Variants in MYO18B observed in about 807,000 individuals in gnomAD.
MYO18B encodes unconventional myosin-XVIIIb.
A neutral mutation model predicts 273.0 loss-of-function variants in MYO18B; 204 were observed. The ratio of observed to expected loss-of-function variants is 0.75; its 90% CI spans 0.67 to 0.84. MYO18B has a LOEUF of 0.84. Ranked by LOEUF, MYO18B falls within the 40% of genes least tolerant of loss-of-function variation. The pLI is 0.00. For missense variants in MYO18B, 3,212 were observed against 3,287.6 expected (o/e 0.98, Z 0.56); for synonymous variants, 1,330 against 1,305.7 (o/e 1.02, Z -0.40).
Position 25,768,394 on chromosome 22 carries a change from C to T in MYO18B, c.478C>T (p.Leu160=). ...TGATGTGTTGTTGATGGTGGCCAAG[C>T]TGGACCCGGACTCAGCCAAGCCAGA... ...RGDVLLMVAK[L]DPDSAKPEKT... The change falls in exon 4 of 44, where the codon CTG becomes TTG. Residue 160 remains leucine, a synonymous_variant. Transcript: ENST00000335473. The T allele has an allele frequency of 6.2e-7, 1 of 1,613,876 alleles. No individual in the cohort carries two copies. Among genetic ancestry groups the T allele is most frequent in the Non-Finnish European group, 8.5e-7 (1 of 1,179,854 alleles).
intron 39 of MYO18B, among the ~76,000 whole-genome samples, chr22:25,958,119 T>A (rs2092875801): frequency 6.6e-6 from 1 of 152,112 alleles, no homozygotes; most frequent in Non-Finnish European, 1.5e-5. Flanking sequence ...TTCACCATGT[T>A]GGCCAAGCTA....
Position 25,781,844 on chromosome 22 carries a change from T to C in MYO18B, c.2312+10T>C. 6.5e-7 allele frequency: 1 copy of C among 1,535,016 alleles called. No individual in the cohort carries two copies. The highest frequency in any genetic ancestry group is 8.7e-7 in the Non-Finnish European group (1 of 1,143,706). On this transcript the variant is annotated intron_variant, in intron 10 of 43. Coordinates refer to ENST00000335473, the MANE Select transcript of MYO18B (RefSeq NM_032608.7). ...TGGACTTGGATCTCAGGTGAGCACTTGGGGCAGGAAGAGACAGCTGAGGGC... is the reference window on the plus strand; with the variant it reads ...TGGACTTGGATCTCAGGTGAGCACTCGGGGCAGGAAGAGACAGCTGAGGGC...
chr22:25,910,993 G>A lies in MYO18B; in HGVS notation c.5307G>A (p.Gln1769=). 1 of 1,605,700 alleles carries A rather than the reference G, an allele frequency of 6.2e-7. No homozygotes were observed. Among genetic ancestry groups the A allele is most frequent in the Non-Finnish European group, 8.5e-7 (1 of 1,176,250 alleles). The stretch of plus-strand genomic sequence containing the variant: ...TGGAGCAAGAGTATGAAGAGAAGCA[G>A]ATGGTCCTCCATGAGAAGCAAGATT... ...MQLEQEYEEK[Q]MVLHEKQDLE... Residue 1769 remains glutamine (Q), a synonymous_variant, in exon 33 of 44, where the codon CAG becomes CAA. Transcript: ENST00000335473.
At chr22:25,920,516 C>T (rs1327968087) in intron 33 of MYO18B, among the ~76,000 whole-genome samples, 1 of 152,160 alleles carries the variant, frequency 6.6e-6, no homozygotes, top group Admixed American at 6.5e-5. Context: ...TTTGGGACTC[C>T]CTTGACAGCT....
intron 39 of MYO18B, among the ~76,000 whole-genome samples, chr22:25,971,410 A>G (rs1049078370): frequency 2.6e-5 from 4 of 152,214 alleles, no homozygotes; most frequent in African/African-American, 9.6e-5. Flanking sequence ...TGTTTTGCAC[A>G]TGTTAAGTGG....
At chr22:25,837,641 A>G (rs1399325131) in intron 17 of MYO18B, among the ~76,000 whole-genome samples, 1 of 152,234 alleles carries the variant, frequency 6.6e-6, no homozygotes, top group Non-Finnish European at 1.5e-5. Context: ...TCTGTCCGAG[A>G]CATTCATGGT....
rs992257347 is a variant in MYO18B at position 25,744,876 on chromosome 22, T to C, written c.-110+2583T>C. Among the ~76,000 whole-genome samples the C allele has an allele frequency of 2.0e-5, 3 of 152,260 alleles. No homozygotes were observed. The South Asian group carries it at 6.2e-4, about 32-fold the overall frequency. ...CCCTCCTGTTGAGAGATGGTGCAGC[T>C]GAGGCACAGAGAGGGAAAGCCACTT... On this transcript the variant is annotated intron_variant, in intron 1 of 43. Transcript: ENST00000335473.
Position 25,872,773 on chromosome 22 carries a change from T to C in MYO18B, c.3952-1513T>C, listed in dbSNP as rs572495191. Among the ~76,000 whole-genome samples, 30 of 152,322 alleles carry C rather than the reference T, an allele frequency of 2.0e-4. No individual in the cohort carries two copies. The East Asian group carries it at 3.1e-3, about 16-fold the overall frequency. The stretch of plus-strand genomic sequence containing the variant: ...TTTCCCTGCATGTCGAGTGGTTGTT[T>C]AGTCCAGTTCCAAAACACAGTAAGT... On this transcript the variant is annotated intron_variant, in intron 22 of 43. Coordinates refer to ENST00000335473, the MANE Select transcript of MYO18B (RefSeq NM_032608.7).
the MYO18B span, among the ~76,000 whole-genome samples, chr22:26,045,784 A>C: frequency 2.0e-5 from 3 of 152,234 alleles, no homozygotes; most frequent in Non-Finnish European, 2.9e-5. Context: ...ACCCGCAAAT[A>C]GGTGAAAGGT....
chr22:26,056,688 C>G, the MYO18B span, among the ~76,000 whole-genome samples: 1 of 152,218 alleles, frequency 6.6e-6, no homozygotes, highest in African/African-American at 2.4e-5. Flanking sequence ...CAATTCCTGT[C>G]TTGCCCGACC....
At chr22:25,959,826 A>C (rs984347073) in intron 39 of MYO18B, among the ~76,000 whole-genome samples, 3 of 152,158 alleles carry the variant, frequency 2.0e-5, no homozygotes, top group Non-Finnish European at 4.4e-5. Flanking sequence ...TTGGTGTCCC[A>C]CGTGTCCAAT....
At chr22:25,803,967 A>AACACAC (rs151023852) in intron 12 of MYO18B, among the ~76,000 whole-genome samples, 19,023 of 136,742 alleles carry the variant, frequency 0.14, 1,433 homozygotes, top group South Asian at 0.2. Flanking sequence ...TGACCCAGTG[A>AACACAC]ACACACACAC....
chr22:25,978,589 C>G (rs140582141), intron 39 of MYO18B, among the ~76,000 whole-genome samples: 291 of 152,292 alleles, frequency 1.9e-3, no homozygotes, highest in Middle Eastern at 3.4e-3. Context: ...TAAAGAGATT[C>G]CTCCTTGGAG....
intron 17 of MYO18B, among the ~76,000 whole-genome samples, chr22:25,840,013 T>A (rs1226379860): frequency 6.6e-6 from 1 of 152,176 alleles, no homozygotes; most frequent in Non-Finnish European, 1.5e-5. Flanking sequence ...ATACCTTCCC[T>A]GCCCTGTCTG....
intron 12 of MYO18B, among the ~76,000 whole-genome samples, chr22:25,820,534 T>A (rs1210413581): frequency 6.9e-6 from 1 of 144,588 alleles, no homozygotes; most frequent in Non-Finnish European, 1.5e-5. Flanking sequence ...AGAGAGAACT[T>A]TTTTTAGTTT....
chr22:25,757,375 A>G (rs1288611174), intron 1 of MYO18B, among the ~76,000 whole-genome samples: 3 of 152,064 alleles, frequency 2.0e-5, no homozygotes, highest in Non-Finnish European at 4.4e-5. Context: ...CGAGGGTCGG[A>G]TCACAAGGTC....
At chr22:25,909,021 A>G (rs5761308) in intron 32 of MYO18B, among the ~76,000 whole-genome samples, 71,173 of 152,038 alleles carry the variant, frequency 0.47, 16,836 homozygotes, top group Middle Eastern at 0.54. Flanking sequence ...ATGTCTGTAA[A>G]TACAGATCTA....
At chr22:25,994,255 C>A (rs1344901114) in intron 40 of MYO18B, among the ~76,000 whole-genome samples, 1 of 152,124 alleles carries the variant, frequency 6.6e-6, no homozygotes, top group Non-Finnish European at 1.5e-5. Context: ...TCACTTGAGA[C>A]CAGGAATTCA....
In MYO18B at chr22:25,876,347, C is replaced by T; in HGVS notation, c.4224+15C>T. On this transcript the variant is annotated intron_variant, in intron 24 of 43. Transcript: ENST00000335473. ...GAGCCAAGGAGGTCAGTCTATGTGGCAGGCAGGGTGCTGGGTGGCTACTCC... is the reference window on the plus strand; with the variant it reads ...GAGCCAAGGAGGTCAGTCTATGTGGTAGGCAGGGTGCTGGGTGGCTACTCC... The T allele has an allele frequency of 1.3e-6, 2 of 1,599,330 alleles. No individual in the cohort carries two copies. Among genetic ancestry groups the T allele is most frequent in the Non-Finnish European group, 8.5e-7 (1 of 1,170,910 alleles).
Sources: allele counts gnomAD v4.1 joint callset (sites outside exome capture counted in the v4.1 genomes callset), GRCh38; gene constraint gnomAD v4.1.1; transcripts MANE v1.5; gene names NCBI Gene and HGNC (gene_info 2026-07-23, HGNC 2026-07-21).